The following PLD5 variants were observed in gnomAD, a reference collection of about 807,000 sequenced individuals.
PLD5 encodes the protein phospholipase D family member 5.
Under a neutral mutation model 61.1 loss-of-function variants are expected in PLD5, and 36 were observed. That is an observed-to-expected ratio of 0.59 (90% CI 0.45 to 0.78). The LOEUF (loss-of-function observed/expected upper bound fraction) is 0.78, where lower values mean the gene tolerates loss of function less well. PLD5 is among the 30% of genes least tolerant of loss of function. The probability of loss-of-function intolerance (pLI) is 0.00; values close to 1 mark genes in which losing one functional copy is unlikely to be tolerated. For missense variants in PLD5, 515 were observed against 644.4 expected (o/e 0.80, Z 2.17); for synonymous variants, 243 against 242.8 (o/e 1.00, Z -0.01).
At chr1:242,403,128 G>A (rs566386805) in intron 1 of PLD5, among the ~76,000 whole-genome samples, 4 of 152,276 alleles carry the variant, frequency 2.6e-5, no homozygotes, top group African/African-American at 4.8e-5. Context: ...TCGGTGAGGC[G>A]GTGCCTTTGG....
At chr1:242,334,150 G>T (rs1475669426) in intron 2 of PLD5, among the ~76,000 whole-genome samples, 1 of 152,112 alleles carries the variant, frequency 6.6e-6, no homozygotes, top group Non-Finnish European at 1.5e-5. Flanking sequence ...GTTTCAAGGT[G>T]GGGAAATCCA....
chr1:242,337,429 G>C (rs1659585072), intron 2 of PLD5, among the ~76,000 whole-genome samples: 1 of 151,978 alleles, frequency 6.6e-6, no homozygotes, highest in African/African-American at 2.4e-5. Flanking sequence ...TCAGGAGTTT[G>C]AGACCAGCCT....
chr1:242,163,662 CCT>C (rs1004520162), intron 5 of PLD5, among the ~76,000 whole-genome samples: 21 of 152,100 alleles, frequency 1.4e-4, no homozygotes, highest in African/African-American at 5.1e-4. Flanking sequence ...CAGCATTTTC[CCT>C]GTCTTTTTGT....
chr1:242,141,399 T>C (rs934621), intron 5 of PLD5, among the ~76,000 whole-genome samples: 89,900 of 151,566 alleles, frequency 0.59, 27,317 homozygotes, highest in African/African-American at 0.71. Flanking sequence ...TCCCTGGTTC[T>C]CCACTCCTCC....
rs561135017 is a variant in PLD5 at position 242,183,392 on chromosome 1, G to A, written c.735+36596C>T. On this transcript the variant is annotated intron_variant, in intron 5 of 9. Transcript: ENST00000536534. ...CCCAGCCCCACATGGCTACCATAATGTATAATGCTTTATTTGTCAAATGCA... is the reference window on the plus strand; with the variant it reads ...CCCAGCCCCACATGGCTACCATAATATATAATGCTTTATTTGTCAAATGCA... Among the ~76,000 whole-genome samples, 3 of 152,256 alleles carry A rather than the reference G, an allele frequency of 2.0e-5. No individual in the cohort carries two copies. The South Asian group carries it at 6.2e-4, about 32-fold the overall frequency.
intron 1 of PLD5, among the ~76,000 whole-genome samples, chr1:242,478,974 G>T (rs906468777): frequency 2.0e-5 from 3 of 152,134 alleles, no homozygotes; most frequent in African/African-American, 7.2e-5. Flanking sequence ...GTTTTTTGAC[G>T]ATATGAAGAC....
intron 5 of PLD5, among the ~76,000 whole-genome samples, chr1:242,172,890 C>A (rs1221894787): frequency 2.0e-5 from 3 of 151,462 alleles, no homozygotes; most frequent in African/African-American, 7.3e-5. Flanking sequence ...AATTAACAGC[C>A]TATCAAACAA....
intron 1 of PLD5, among the ~76,000 whole-genome samples, chr1:242,393,607 CAT>C (rs1323324971): frequency 2.5e-5 from 1 of 40,484 alleles, no homozygotes; most frequent in Non-Finnish European, 4.5e-5. Context: ...TATATATGAG[CAT>C]ATATGTGTAT....
At chr1:242,374,339 C>T (rs1409154932) in intron 1 of PLD5, among the ~76,000 whole-genome samples, 1 of 152,168 alleles carries the variant, frequency 6.6e-6, no homozygotes, top group African/African-American at 2.4e-5. Flanking sequence ...GGGAGAAATG[C>T]TTTTTCAGTT....
chr1:242,420,062 T>C lies in PLD5; in HGVS notation c.190-71820A>G, dbSNP rs2149297776. Among the ~76,000 whole-genome samples the C allele has an allele frequency of 1.3e-5, 2 of 152,282 alleles. 1 individual carries two copies. Among genetic ancestry groups the C allele is most frequent in the South Asian group, 4.1e-4 (2 of 4,826 alleles). On this transcript the variant is annotated intron_variant, in intron 1 of 9. Transcript: ENST00000536534. The stretch of plus-strand genomic sequence containing the variant: ...TGTTACCTCCAGGGCTCCTGATTCT[T>C]GCTGTAGAAGGAGCACTTCTATCTC...
intron 5 of PLD5, among the ~76,000 whole-genome samples, chr1:242,165,128 G>T (rs1159444854): frequency 6.6e-6 from 1 of 151,674 alleles, no homozygotes; most frequent in Non-Finnish European, 1.5e-5. Context: ...TCCTTTCACA[G>T]AAGAAAATTG....
chr1:242,409,038 G>T (rs932374373), intron 1 of PLD5, among the ~76,000 whole-genome samples: 1 of 151,392 alleles, frequency 6.6e-6, no homozygotes. Flanking sequence ...CTGCACTCCA[G>T]TCTGTGTGAA....
chr1:242,275,393 A>G (rs1396141074), intron 3 of PLD5, among the ~76,000 whole-genome samples: 1 of 152,106 alleles, frequency 6.6e-6, no homozygotes, highest in African/African-American at 2.4e-5. Flanking sequence ...ACTTACTTAT[A>G]TCTTACTGAA....
At chr1:242,111,880 A>C (rs1343712905) in intron 7 of PLD5, among the ~76,000 whole-genome samples, 1 of 152,228 alleles carries the variant, frequency 6.6e-6, no homozygotes, top group Non-Finnish European at 1.5e-5. Flanking sequence ...ACCAAAATGC[A>C]AAATTTCAAG....
At chr1:242,194,232 T>G (rs1003741281) in intron 5 of PLD5, among the ~76,000 whole-genome samples, 4 of 152,166 alleles carry the variant, frequency 2.6e-5, no homozygotes, top group African/African-American at 9.7e-5. Flanking sequence ...GGGCATCAGA[T>G]ACTCACAAGT....
chr1:242,328,888 G>T (rs1294937444), intron 2 of PLD5, among the ~76,000 whole-genome samples: 13 of 152,118 alleles, frequency 8.5e-5, no homozygotes, highest in Non-Finnish European at 1.9e-4. Context: ...ATTTTACTAT[G>T]GCATTTGACA....
chr1:242,241,910 T>TATATAC (rs1210639780), intron 4 of PLD5, among the ~76,000 whole-genome samples: 1,437 of 50,060 alleles, frequency 0.029, 75 homozygotes, highest in South Asian at 0.042. Context: ...TATATATATA[T>TATATAC]ACTTACTGTA....
intron 5 of PLD5, among the ~76,000 whole-genome samples, chr1:242,171,763 A>G (rs1283969883): frequency 6.6e-6 from 1 of 152,158 alleles, no homozygotes; most frequent in Non-Finnish European, 1.5e-5. Context: ...CTAATAAAAC[A>G]GACTTTAAAC....
chr1:242,197,444 T>C (rs562713518), intron 5 of PLD5, among the ~76,000 whole-genome samples: 1 of 152,306 alleles, frequency 6.6e-6, no homozygotes, highest in African/African-American at 2.4e-5. Context: ...TGGCATTGTA[T>C]GTTCCAGCCA....
Sources: allele counts gnomAD v4.1 joint callset (sites outside exome capture counted in the v4.1 genomes callset), GRCh38; gene constraint gnomAD v4.1.1; transcripts MANE v1.5; gene names NCBI Gene and HGNC (gene_info 2026-07-23, HGNC 2026-07-21).